The following FANCC variants were observed in gnomAD, a reference collection of about 807,000 sequenced individuals.
The protein encoded by FANCC is FA complementation group C.
FANCC carries 55 observed loss-of-function variants against 71.3 expected under a neutral mutation model. That is an observed-to-expected ratio of 0.77 (90% CI 0.62 to 0.97). FANCC has a LOEUF of 0.97. Among genes scored for constraint, FANCC ranks in the 50% least tolerant of loss-of-function variants. The pLI is 0.00. For synonymous variants in FANCC, 275 were observed against 244.9 expected, an observed-to-expected ratio of 1.12 and a Z score of -1.15; for missense variants, 678 against 670.9, an observed-to-expected ratio of 1.01 and a Z score of -0.12.
At chr9:95,256,279 G>A (rs1831651906) in intron 1 of FANCC, among the ~76,000 whole-genome samples, 1 of 152,158 alleles carries the variant, frequency 6.6e-6, no homozygotes, top group East Asian at 1.9e-4. Context: ...AAAATGTTAA[G>A]GGCAGTCAGA....
chr9:95,269,862 T>C (rs1832620400), intron 1 of FANCC, among the ~76,000 whole-genome samples: 2 of 151,972 alleles, frequency 1.3e-5, no homozygotes. Flanking sequence ...AGACAAAGTA[T>C]AGAGAAAGAA....
intron 1 of FANCC, among the ~76,000 whole-genome samples, chr9:95,312,522 T>C (rs1192666169): frequency 1.3e-5 from 2 of 152,152 alleles, no homozygotes; most frequent in Admixed American, 1.3e-4. Context: ...CCAGATAATT[T>C]CGTGTTTTCT....
At chr9:95,123,149 A>T (rs886211211) in intron 10 of FANCC, among the ~76,000 whole-genome samples, 4 of 152,018 alleles carry the variant, frequency 2.6e-5, no homozygotes, top group African/African-American at 7.2e-5. Context: ...AAAAAAATTT[A>T]AAAATTAGCT....
In FANCC at chr9:95,135,494, A is replaced by G. The variant is rs759814183; in HGVS notation, c.695T>C (p.Ile232Thr). The change falls in exon 8 of 15, where the codon ATT becomes ACT. Residue 232 changes from isoleucine (I) to threonine (T), a missense_variant. Transcript: ENST00000289081. ...AVNEAILLKK[I>T]SLPMSAVVCL... is the part of the protein sequence containing the mutation. ...GACTACAGCTGACATGGGGAGAGAAATCTTCTTCCTTTCAGAAAGAAATAA... is the reference window on the plus strand; with the variant it reads ...GACTACAGCTGACATGGGGAGAGAAGTCTTCTTCCTTTCAGAAAGAAATAA... 6.2e-7 allele frequency: 1 copy of G among 1,614,018 alleles called. No individual in the cohort carries two copies. Among genetic ancestry groups the G allele is most frequent in the Non-Finnish European group, 8.5e-7 (1 of 1,179,990 alleles).
chr9:95,118,539 G>A (rs373073576), intron 10 of FANCC, among the ~76,000 whole-genome samples: 12 of 152,256 alleles, frequency 7.9e-5, no homozygotes, highest in East Asian at 7.7e-4. Context: ...TTTCTATCAC[G>A]CCAAAAAGTC....
intron 8 of FANCC, among the ~76,000 whole-genome samples, chr9:95,133,000 T>C (rs1386337717): frequency 1.3e-5 from 2 of 152,250 alleles, no homozygotes; most frequent in African/African-American, 4.8e-5. Flanking sequence ...TCTAATGTAA[T>C]AGGCATCAGG....
intron 4 of FANCC, among the ~76,000 whole-genome samples, chr9:95,215,295 C>T (rs1352624459): frequency 6.6e-6 from 1 of 151,880 alleles, no homozygotes; most frequent in East Asian, 1.9e-4. Flanking sequence ...GAGCAGAGAG[C>T]AGTTTATACG....
intron 6 of FANCC, among the ~76,000 whole-genome samples, chr9:95,156,155 G>A (rs889301120): frequency 7.2e-5 from 11 of 152,138 alleles, no homozygotes; most frequent in African/African-American, 1.2e-4. Flanking sequence ...TTTTTCAAAA[G>A]TAATATGAAC....
intron 4 of FANCC, chr9:95,186,568 G>A (rs1196014653): frequency 6.6e-6 from 1 of 152,200 alleles, no homozygotes; most frequent in East Asian, 1.9e-4. Flanking sequence ...AGACTTGTGT[G>A]GCTGCTACAG....
At chr9:95,153,492 C>T (rs190858376) in intron 6 of FANCC, among the ~76,000 whole-genome samples, 3 of 152,308 alleles carry the variant, frequency 2.0e-5, no homozygotes, top group African/African-American at 7.2e-5. Flanking sequence ...CTTTTCCCCA[C>T]ATCCATGCCA....
chr9:95,293,048 T>C, intron 1 of FANCC: 1 of 1,598,314 alleles, frequency 6.3e-7, no homozygotes, highest in African/African-American at 1.3e-5. Context: ...AACCAGAAGT[T>C]ATCCAACAAG....
Position 95,123,864 on chromosome 9 carries a change from C to A in FANCC, c.996+1222G>T, listed in dbSNP as rs1588094348. Reference sequence around the variant, plus strand: ...GCCCCACAACCCCCACCAAAGCCCACGTAAGGAGTTGAGTCCTTAAAGTCT... The same window carrying A: ...GCCCCACAACCCCCACCAAAGCCCAAGTAAGGAGTTGAGTCCTTAAAGTCT... On this transcript the variant is annotated intron_variant, in intron 10 of 14. Coordinates refer to ENST00000289081, the MANE Select transcript of FANCC (RefSeq NM_000136.3). The A allele has an allele frequency of 6.8e-6, 4 of 584,764 alleles. No homozygotes were observed. The East Asian group carries it at 1.5e-4, about 22-fold the overall frequency. The allele number at this position is 584,764 out of a possible 1,614,324, so 36.2% of individuals were successfully genotyped here.
chr9:95,156,145 T>A (rs200627904), intron 6 of FANCC, among the ~76,000 whole-genome samples: 3 of 152,276 alleles, frequency 2.0e-5, no homozygotes, highest in East Asian at 3.9e-4. Flanking sequence ...AGAATGCTTG[T>A]TTTTCAAAAG....
rs759352163 is a variant in FANCC, at chr9:95,111,666, T to C, written c.1155-29A>G. ...GAACAGAGGCAGAACACATGGCAGT[T>C]GACAACCTAAATTCTTCTTCCTTTG... On this transcript the variant is annotated intron_variant, in intron 12 of 14. Coordinates refer to ENST00000289081, the MANE Select transcript of FANCC (RefSeq NM_000136.3). 6.8e-6 allele frequency: 11 copies of C among 1,613,772 alleles called. No individual in the cohort carries two copies. The highest frequency in any genetic ancestry group is 6.7e-5 in the Admixed American group (4 of 60,010).
At chr9:95,134,401 A>G (rs1200508438) in intron 8 of FANCC, among the ~76,000 whole-genome samples, 1 of 152,152 alleles carries the variant, frequency 6.6e-6, no homozygotes, top group Non-Finnish European at 1.5e-5. Context: ...GCGAGGGTGA[A>G]CACTCCCTCC....
At chr9:95,211,613 A>T (rs1365929536) in intron 4 of FANCC, among the ~76,000 whole-genome samples, 1 of 152,050 alleles carries the variant, frequency 6.6e-6, no homozygotes, top group Admixed American at 6.6e-5. Context: ...ATAAAACAAC[A>T]CTCTCTCTAA....
chr9:95,229,770 TACAC>T (rs3030656), intron 4 of FANCC, among the ~76,000 whole-genome samples: 73,749 of 147,986 alleles, frequency 0.5, 19,596 homozygotes, highest in Middle Eastern at 0.7. Flanking sequence ...TGCACACATG[TACAC>T]ACACACACAC....
At position 95,126,978 on chromosome 9, in the gene FANCC, G is replaced by C. The variant is rs941979864; in HGVS notation, c.844-397C>G. ...CTCCTCAAATGGCTAGATGTGCCTC[G>C]AGGTCAGGCCCGTGCCTGCAGCCTG... On this transcript the variant is annotated intron_variant, in intron 8 of 14. Coordinates refer to ENST00000289081, the MANE Select transcript of FANCC (RefSeq NM_000136.3). 11 of 258,298 alleles carry C rather than the reference G, an allele frequency of 4.3e-5. No individual in the cohort carries two copies. The Admixed American group carries it at 4.4e-4, about 10-fold the overall frequency. 16.0% of individuals were successfully genotyped at this position (258,298 alleles called of 1,614,324 possible).
intron 1 of FANCC, among the ~76,000 whole-genome samples, chr9:95,266,932 G>T (rs1832416158): frequency 6.6e-6 from 1 of 152,090 alleles, no homozygotes; most frequent in Admixed American, 6.5e-5. Flanking sequence ...CTTTTGGATG[G>T]ATTCTCTTTA....
Sources: allele counts gnomAD v4.1 joint callset (sites outside exome capture counted in the v4.1 genomes callset), GRCh38; gene constraint gnomAD v4.1.1; transcripts MANE v1.5; gene names NCBI Gene and HGNC (gene_info 2026-07-23, HGNC 2026-07-21).